The following ZNF250 variants were observed in gnomAD, a reference collection of about 807,000 sequenced individuals.
ZNF250 encodes the protein zinc finger protein 250, also known as zinc finger protein (clone 647).
ZNF250 carries 13 observed loss-of-function variants against 37.1 expected under a neutral mutation model. The observed-to-expected ratio is 0.35, with a 90% CI of 0.23 to 0.56. The LOEUF is 0.56. Ranked by LOEUF, ZNF250 falls within the 20% of genes least tolerant of loss-of-function variation. The pLI is 0.87. For missense variants in ZNF250, 474 were observed against 697.9 expected, an observed-to-expected ratio of 0.68 and a Z score of 3.61; for synonymous variants, 251 against 265.6, an observed-to-expected ratio of 0.94 and a Z score of 0.54.
At chr8:144,884,842 T>G (rs1831754661) in intron 5 of ZNF250, among the ~76,000 whole-genome samples, 1 of 152,220 alleles carries the variant, frequency 6.6e-6, no homozygotes, top group South Asian at 2.1e-4. Flanking sequence ...CATGTTATAT[T>G]GTCAGATCTT....
rs550632236 is a variant in ZNF250, at chr8:144,877,110, G to A, written c.*4405C>T. 21 of 152,242 alleles carry A rather than the reference G, an allele frequency of 1.4e-4. No homozygotes were observed. Among genetic ancestry groups the A allele is most frequent in the African/African-American group, 4.8e-4 (20 of 41,538 alleles). The allele number at this position is 152,242 out of a possible 1,614,324, so 9.4% of individuals were successfully genotyped here. A position where few individuals can be genotyped will look rare whatever the true frequency, so the allele number is the denominator to read the frequency against. On this transcript the variant is annotated 3_prime_UTR_variant, in exon 6 of 6. Coordinates refer to ENST00000417550, the MANE Select transcript of ZNF250 (RefSeq NM_001109689.4). ...AAACAATTTTAAAAGAAATATATAC[G>A]TATTTTTTGTGACAAGGTCTCTCTC...
chr8:144,890,497 A>T lies in ZNF250; in HGVS notation c.-54-94T>A, dbSNP rs965636236. Reference sequence around the variant, plus strand: ...GGATCCCTGGGCCTCATTCAGAGTCACTGAGGGGCACACTGAGGTCAGGTG... The same window carrying T: ...GGATCCCTGGGCCTCATTCAGAGTCTCTGAGGGGCACACTGAGGTCAGGTG... On this transcript the variant is annotated intron_variant, in intron 1 of 5. Transcript: ENST00000417550. The surrounding 1 kb of genome is among the most constrained non-coding windows in gnomAD (Gnocchi z 5.1). 3 of 670,504 alleles carry T rather than the reference A, an allele frequency of 4.5e-6. No homozygotes were observed. The African/African-American group carries it at 5.4e-5, about 12-fold the overall frequency. 41.5% of individuals were successfully genotyped at this position (670,504 alleles called of 1,614,324 possible).
intron 1 of ZNF250, among the ~76,000 whole-genome samples, chr8:144,894,227 G>A (rs1427083149): frequency 2.0e-5 from 3 of 151,450 alleles, no homozygotes; most frequent in Admixed American, 2.0e-4. Context: ...TGCCCATCTC[G>A]CCCTCCCTGC....
chr8:144,898,478 C>T (rs1173268919), intron 1 of ZNF250, among the ~76,000 whole-genome samples: 2 of 151,836 alleles, frequency 1.3e-5, no homozygotes, highest in African/African-American at 4.8e-5. Flanking sequence ...ATGCAGAGTC[C>T]CTATAAAGAA....
At position 144,890,187 on chromosome 8, in the gene ZNF250, A is replaced by C; in HGVS notation, c.42+121T>G. Reference sequence around the variant, plus strand: ...CTGTGAGCTGAGGTGGGTGATGGGAAGGGGCCGCGGAGTTCAGGGCATGTG... The same window carrying C: ...CTGTGAGCTGAGGTGGGTGATGGGACGGGGCCGCGGAGTTCAGGGCATGTG... On this transcript the variant is annotated intron_variant, in intron 2 of 5. Transcript: ENST00000417550. This position sits in a 1 kb window ranked among gnomAD's most constrained non-coding sequence, Gnocchi z 5.1. 6.6e-7 allele frequency: 1 copy of C among 1,511,434 alleles called. No homozygotes were observed. 93.6% of individuals were successfully genotyped at this position (1,511,434 alleles called of 1,614,324 possible).
intron 3 of ZNF250, 41 bp from the exon 4 acceptor site, chr8:144,889,735 CAG>C (rs753597397): frequency 6.3e-7 from 1 of 1,585,756 alleles, no homozygotes; most frequent in Non-Finnish European, 8.6e-7. Flanking sequence ...ACAACATTTA[CAG>C]AGCCCCCTCC....
intron 5 of ZNF250, among the ~76,000 whole-genome samples, chr8:144,885,243 C>T (rs1831787129): frequency 6.6e-6 from 1 of 152,158 alleles, no homozygotes. Context: ...CCTCAGCCTC[C>T]CAAGTAGCTG....
rs1369443093 is a variant in ZNF250 at position 144,901,435 on chromosome 8, T to TC, written c.-92dup. ...CAGCCTCACGCGCGAAGGAACGGCA[T>TC]CCCGCAGCACCTTCAGACAAAGGGC... On this transcript the variant is annotated 5_prime_UTR_variant, in exon 1 of 6. Coordinates refer to ENST00000417550, the MANE Select transcript of ZNF250 (RefSeq NM_001109689.4). This position sits in a 1 kb window ranked among gnomAD's most constrained non-coding sequence, Gnocchi z 5.4. 1 of 152,284 alleles carries TC rather than the reference T, an allele frequency of 6.6e-6. No individual in the cohort carries two copies. The highest frequency in any genetic ancestry group is 1.5e-5 in the Non-Finnish European group (1 of 68,238). 9.4% of individuals were successfully genotyped at this position (152,284 alleles called of 1,614,324 possible). A position where few individuals can be genotyped will look rare whatever the true frequency, so the allele number is the denominator to read the frequency against.
At chr8:144,884,398 C>T (rs1831723594) in intron 5 of ZNF250, among the ~76,000 whole-genome samples, 4 of 152,106 alleles carry the variant, frequency 2.6e-5, no homozygotes, top group Admixed American at 6.6e-5. Flanking sequence ...ATTACAGGCA[C>T]ATGCCACCAT....
chr8:144,898,428 T>C (rs550464005), intron 1 of ZNF250, among the ~76,000 whole-genome samples: 1 of 152,256 alleles, frequency 6.6e-6, no homozygotes, highest in South Asian at 2.1e-4. Flanking sequence ...AAAAAATCTA[T>C]TCAACAAATA....
rs112959921 is a variant in ZNF250, at chr8:144,880,681, C to T, written c.*834G>A. On this transcript the variant is annotated 3_prime_UTR_variant, in exon 6 of 6. Transcript: ENST00000417550. ...GAGTTCGAGACCAGCCTGGCCAACA[C>T]GGTGAAACTCCGTCTCTACTAAAAA... 1,667 of 333,664 alleles carry T rather than the reference C, an allele frequency of 5.0e-3. 24 individuals carry two copies. Among genetic ancestry groups the T allele is most frequent in the African/African-American group, 0.032 (1,483 of 46,526 alleles). The allele number at this position is 333,664 out of a possible 1,614,324, so 20.7% of individuals were successfully genotyped here.
At chr8:144,888,567 C>T (rs1375130814) in intron 4 of ZNF250, among the ~76,000 whole-genome samples, 6 of 140,112 alleles carry the variant, frequency 4.3e-5, no homozygotes, top group African/African-American at 1.6e-4. Context: ...CACTGCATTC[C>T]AGCCTGGGCG....
chr8:144,898,333 AAAC>A, intron 1 of ZNF250, among the ~76,000 whole-genome samples: 1 of 152,114 alleles, frequency 6.6e-6, no homozygotes, highest in East Asian at 1.9e-4. Flanking sequence ...AAACAAAACA[AAAC>A]AAAACAAAAC....
intron 4 of ZNF250, among the ~76,000 whole-genome samples, chr8:144,888,811 C>T (rs566755906): frequency 1.3e-5 from 2 of 152,064 alleles, no homozygotes; most frequent in South Asian, 2.1e-4. Context: ...TGCAGTGGAG[C>T]GATCTCAGCT....
At chr8:144,899,103 A>G (rs1832917683) in intron 1 of ZNF250, among the ~76,000 whole-genome samples, 1 of 152,202 alleles carries the variant, frequency 6.6e-6, no homozygotes, top group Admixed American at 6.5e-5. Context: ...GGAGGTCATT[A>G]TGTTAATTGA....
At chr8:144,896,370 AAATT>A (rs1462273813) in intron 1 of ZNF250, among the ~76,000 whole-genome samples, 1 of 128,712 alleles carries the variant, frequency 7.8e-6, no homozygotes, top group Non-Finnish European at 1.7e-5. Flanking sequence ...AAATAAATAA[AAATT>A]AAAAAAAAAT....
chr8:144,886,970 G>T, intron 4 of ZNF250, 68 bp from the exon 5 acceptor site: 1 of 1,412,262 alleles, frequency 7.1e-7, no homozygotes, highest in Non-Finnish European at 1.0e-6. Flanking sequence ...ATCCTGGCCG[G>T]GCATGGTGGC....
In ZNF250 at chr8:144,890,243, C is replaced by T. The variant is rs776932487; in HGVS notation, c.42+65G>A. On this transcript the variant is annotated intron_variant, in intron 2 of 5. Transcript: ENST00000417550. The surrounding 1 kb of genome is among the most constrained non-coding windows in gnomAD (Gnocchi z 5.1). ...GCTCTGGCTGCTCTTAGGAGCTCTA[C>T]GGGGCACGGAAGGAACCACAGGGCT... is the stretch of plus-strand genomic sequence containing the variant. The T allele has an allele frequency of 2.2e-5, 33 of 1,522,950 alleles. No individual in the cohort carries two copies. The highest frequency in any genetic ancestry group is 2.7e-5 in the Non-Finnish European group (30 of 1,117,140). The allele number at this position is 1,522,950 out of a possible 1,614,324, so 94.3% of individuals were successfully genotyped here.
Position 144,878,877 on chromosome 8 carries a change from C to T in ZNF250, c.*2638G>A, listed in dbSNP as rs762351885. ...CTGAAGTAAACCTCAGTGGTCAGAGCTACTCTGCAGTACCCACTAGTGATG... is the reference window on the plus strand; with the variant it reads ...CTGAAGTAAACCTCAGTGGTCAGAGTTACTCTGCAGTACCCACTAGTGATG... On this transcript the variant is annotated 3_prime_UTR_variant, in exon 6 of 6. Transcript: ENST00000417550. 4 of 152,214 alleles carry T rather than the reference C, an allele frequency of 2.6e-5. No individual in the cohort carries two copies. Among genetic ancestry groups the T allele is most frequent in the African/African-American group, 7.2e-5 (3 of 41,442 alleles). 9.4% of individuals were successfully genotyped at this position (152,214 alleles called of 1,614,324 possible). A position where few individuals can be genotyped will look rare whatever the true frequency, so the allele number is the denominator to read the frequency against.
Sources: gnomAD v4.1 joint callset for allele counts (sites outside exome capture counted in the v4.1 genomes callset) on GRCh38, gnomAD v4.1.1 for gene constraint, Gnocchi (gnomAD v3.1) non-coding constraint, MANE v1.5 for transcripts, NCBI Gene and HGNC (gene_info 2026-07-23, HGNC 2026-07-21) for gene names.